Variants in HS6ST3 observed in about 807,000 individuals in gnomAD.
HS6ST3 encodes heparan sulfate 6-O-sulfotransferase 3.
HS6ST3 carries 12 observed loss-of-function variants against 36.7 expected under a neutral mutation model. That is an observed-to-expected ratio of 0.33 (90% CI 0.21 to 0.53). The LOEUF (loss-of-function observed/expected upper bound fraction) is 0.53, where lower values mean the gene tolerates loss of function less well. Ranked by LOEUF, HS6ST3 falls within the 20% of genes least tolerant of loss-of-function variation. The pLI is 0.95. For missense variants in HS6ST3, 584 were observed against 640.9 expected, an observed-to-expected ratio of 0.91 and a Z score of 0.96; for synonymous variants, 240 against 257.5, an observed-to-expected ratio of 0.93 and a Z score of 0.65.
At chr13:96,417,876 T>TC (rs1421158444) in intron 1 of HS6ST3, among the ~76,000 whole-genome samples, 1 of 152,034 alleles carries the variant, frequency 6.6e-6, no homozygotes, top group African/African-American at 2.4e-5. Context: ...CCTGCAAGCC[T>TC]CCAGTCACAG....
chr13:96,209,467 A>G (rs2139356516), intron 1 of HS6ST3, among the ~76,000 whole-genome samples: 1 of 152,326 alleles, frequency 6.6e-6, no homozygotes, highest in South Asian at 2.1e-4. Context: ...AGACTTTCTC[A>G]AGCTCATTAT....
intron 1 of HS6ST3, among the ~76,000 whole-genome samples, chr13:96,601,594 A>T (rs2056421719): frequency 6.6e-6 from 1 of 152,058 alleles, no homozygotes; most frequent in Admixed American, 6.6e-5. Context: ...TGCATTTTGG[A>T]TACTTTGTCT....
chr13:96,273,179 C>G (rs2139389425), intron 1 of HS6ST3, among the ~76,000 whole-genome samples: 1 of 152,026 alleles, frequency 6.6e-6, no homozygotes, highest in South Asian at 2.1e-4. Flanking sequence ...AATGCAAGTT[C>G]TTGGCCTTCT....
intron 1 of HS6ST3, among the ~76,000 whole-genome samples, chr13:96,129,027 A>G (rs2139310521): frequency 6.6e-6 from 1 of 152,064 alleles, no homozygotes; most frequent in Non-Finnish European, 1.5e-5. Flanking sequence ...TTGTATTTTT[A>G]TTAGAGACAG....
intron 1 of HS6ST3, among the ~76,000 whole-genome samples, chr13:96,233,674 G>T (rs2054518679): frequency 6.6e-6 from 1 of 152,150 alleles, no homozygotes; most frequent in Non-Finnish European, 1.5e-5. Context: ...AAAACAATGA[G>T]ATGATAGCCA....
chr13:96,389,374 T>A (rs1209113722), intron 1 of HS6ST3, among the ~76,000 whole-genome samples: 1 of 152,044 alleles, frequency 6.6e-6, no homozygotes, highest in Non-Finnish European at 1.5e-5. Context: ...ACCTCAAATA[T>A]GCACAATAAA....
At chr13:96,538,461 T>C (rs1188548234) in intron 1 of HS6ST3, among the ~76,000 whole-genome samples, 3 of 152,366 alleles carry the variant, frequency 2.0e-5, no homozygotes, top group East Asian at 1.9e-4. Flanking sequence ...TATTTATTTT[T>C]GAGACAGGGT....
intron 1 of HS6ST3, among the ~76,000 whole-genome samples, chr13:96,742,688 T>G (rs1876470056): frequency 6.6e-6 from 1 of 152,126 alleles, no homozygotes; most frequent in African/African-American, 2.4e-5. Context: ...GATCATTTTT[T>G]CCTAGCAAAA....
intron 1 of HS6ST3, among the ~76,000 whole-genome samples, chr13:96,299,408 T>C (rs942575002): frequency 6.6e-6 from 1 of 152,112 alleles, no homozygotes; most frequent in South Asian, 2.1e-4. Context: ...CTTGATCCAG[T>C]TCATAGAGGG....
rs183674376 is a variant in HS6ST3, at chr13:96,462,808, C to T, written c.708-369682C>T. Among the ~76,000 whole-genome samples, 195 of 152,228 alleles carry T rather than the reference C, an allele frequency of 1.3e-3. 1 individual carries two copies. Among genetic ancestry groups the T allele is most frequent in the South Asian group, 0.012 (60 of 4,818 alleles). On this transcript the variant is annotated intron_variant, in intron 1 of 1. Transcript: ENST00000376705. ...TCTGTGTGTCTATGTATGTTTGTAT[C>T]TATCTATCTAAATGAGTTGCATTTC...
intron 1 of HS6ST3, among the ~76,000 whole-genome samples, chr13:96,239,236 C>T (rs1051326425): frequency 7.2e-5 from 11 of 152,258 alleles, no homozygotes; most frequent in African/African-American, 2.2e-4. Flanking sequence ...TATCTATATA[C>T]GCCCAGCGAA....
At chr13:96,133,221 C>T (rs190960042) in intron 1 of HS6ST3, among the ~76,000 whole-genome samples, 1 of 151,924 alleles carries the variant, frequency 6.6e-6, no homozygotes. Flanking sequence ...CTCCGCCTTC[C>T]GGTTTCAAGT....
At chr13:96,184,431 C>G (rs956755408) in intron 1 of HS6ST3, among the ~76,000 whole-genome samples, 8 of 152,076 alleles carry the variant, frequency 5.3e-5, no homozygotes, top group African/African-American at 1.9e-4. Flanking sequence ...ATCCTTTTCT[C>G]TCTTCCCACA....
chr13:96,163,476 G>A (rs191020816), intron 1 of HS6ST3, among the ~76,000 whole-genome samples: 33 of 151,938 alleles, frequency 2.2e-4, no homozygotes, highest in Non-Finnish European at 3.2e-4. Context: ...TGATCCGCCC[G>A]CCTTGACCTC....
At chr13:96,212,890 T>G (rs1411304788) in intron 1 of HS6ST3, among the ~76,000 whole-genome samples, 1 of 152,192 alleles carries the variant, frequency 6.6e-6, no homozygotes, top group African/African-American at 2.4e-5. Flanking sequence ...TCCTAGTGAC[T>G]AGATTAACTA....
chr13:96,417,716 G>A (rs17687026), intron 1 of HS6ST3, among the ~76,000 whole-genome samples: 1,064 of 89,396 alleles, frequency 0.012, 4 homozygotes, highest in Non-Finnish European at 0.018. Context: ...GTACGTATCT[G>A]TATATATAGC....
At chr13:96,555,583 C>T (rs1408029160) in intron 1 of HS6ST3, among the ~76,000 whole-genome samples, 1 of 152,126 alleles carries the variant, frequency 6.6e-6, no homozygotes, top group Non-Finnish European at 1.5e-5. Flanking sequence ...ATTATCAGGG[C>T]TTGTCTACAA....
At chr13:96,550,663 T>G (rs760550904) in intron 1 of HS6ST3, among the ~76,000 whole-genome samples, 78 of 151,712 alleles carry the variant, frequency 5.1e-4, no homozygotes, top group Non-Finnish European at 7.8e-4. Context: ...TTTTTTTTTG[T>G]TTTTGCTTGT....
chr13:96,528,946 G>A (rs1193929971), intron 1 of HS6ST3, among the ~76,000 whole-genome samples: 1 of 151,878 alleles, frequency 6.6e-6, no homozygotes, highest in Non-Finnish European at 1.5e-5. Flanking sequence ...TCAGATTTCG[G>A]GAGTAAGTTA....
Sources: gnomAD v4.1 joint callset for allele counts (sites outside exome capture counted in the v4.1 genomes callset) on GRCh38, gnomAD v4.1.1 for gene constraint, MANE v1.5 for transcripts, NCBI Gene and HGNC (gene_info 2026-07-23, HGNC 2026-07-21) for gene names.